Variants in ZNF37A observed in about 807,000 individuals in gnomAD.
ZNF37A encodes zinc finger protein 37a (KOX 21).
In ZNF37A, 10 loss-of-function variants were observed where a neutral mutation model predicts 12.3. The observed-to-expected ratio is 0.82, with a 90% confidence interval of 0.50 to 1.38. ZNF37A has a LOEUF of 1.38. Among genes scored for constraint, ZNF37A ranks in the 40% most tolerant of loss-of-function variants. The pLI, the probability that ZNF37A is intolerant of heterozygous loss-of-function variation, is 0.00. For missense variants in ZNF37A, 580 were observed against 651.2 expected, an observed-to-expected ratio of 0.89 and a Z score of 1.19; for synonymous variants, 207 against 223.0, an observed-to-expected ratio of 0.93 and a Z score of 0.64.
At chr10:38,107,823 C>G (rs920616092) in intron 5 of ZNF37A, among the ~76,000 whole-genome samples, 1 of 152,112 alleles carries the variant, frequency 6.6e-6, no homozygotes, top group Admixed American at 6.6e-5. Flanking sequence ...TATATATGCA[C>G]CCAATACAGG....
Position 38,118,278 on chromosome 10 carries a change from C to G in ZNF37A, c.1127C>G (p.Thr376Arg), listed in dbSNP as rs770710053. 5 of 1,613,738 alleles carry G rather than the reference C, an allele frequency of 3.1e-6. No homozygotes were observed. The South Asian group carries it at 5.5e-5, about 18-fold the overall frequency. The change falls in exon 8 of 8, where the codon ACA (threonine) becomes AGA (arginine). Residue 376 changes from threonine to arginine, a missense_variant. Thr to Arg is a moderately conservative substitution (Grantham distance 71). Transcript: ENST00000685332. ...FKSVLTVHQK[T>R]HTGEKPYECY... Reference sequence around the variant, plus strand: ...TCAGTCCTTACTGTGCATCAGAAAACACACACAGGGGAGAAGCCCTATGAA... The same window carrying G: ...TCAGTCCTTACTGTGCATCAGAAAAGACACACAGGGGAGAAGCCCTATGAA...
At chr10:38,139,269 CCTT>C (rs2070150127) in intron 7 of ZNF37A, 1 of 151,966 alleles carries the variant, frequency 6.6e-6, no homozygotes. Context: ...TCATTATTGT[CCTT>C]ATTATGTGTT....
chr10:38,097,016 G>A (rs1202169508), intron 5 of ZNF37A, among the ~76,000 whole-genome samples: 1 of 152,192 alleles, frequency 6.6e-6, no homozygotes, highest in Non-Finnish European at 1.5e-5. Context: ...TTTACTGTGA[G>A]ACCCTTTACA....
intron 7 of ZNF37A, chr10:38,138,047 T>G (rs1388706353): frequency 1.3e-5 from 2 of 152,346 alleles, no homozygotes; most frequent in Middle Eastern, 3.4e-3. Context: ...AATAAATAAC[T>G]CTTTGTAATC....
intron 5 of ZNF37A, among the ~76,000 whole-genome samples, chr10:38,112,736 T>TCGGTC (rs1564931750): frequency 5.8e-5 from 1 of 17,106 alleles, no homozygotes; most frequent in Non-Finnish European, 1.2e-4. Context: ...ATCCATTTTC[T>TCGGTC]TTTCTTTTCT....
rs2136054997 is a variant in ZNF37A at position 38,121,678 on chromosome 10, G to C, written c.*2841G>C. ...GGAATGAGGAGAGCTAGAAAACCTG[G>C]AGTGTGGCATTAGAATAGAACTCAT... On this transcript the variant is annotated 3_prime_UTR_variant, in exon 8 of 8. Transcript: ENST00000685332. The C allele has an allele frequency of 6.6e-6, 1 of 152,334 alleles. No homozygotes were observed. The highest frequency in any genetic ancestry group is 2.1e-4 in the South Asian group (1 of 4,832). The allele number at this position is 152,334 out of a possible 1,614,324, so 9.4% of individuals were successfully genotyped here.
chr10:38,129,316 A>AAAAAAAAAAAC (rs1432210552), downstream of ZNF37A, among the ~76,000 whole-genome samples: 2 of 142,430 alleles, frequency 1.4e-5, no homozygotes, highest in African/African-American at 2.6e-5. Flanking sequence ...AAAAAAAAAA[A>AAAAAAAAAAAC]AAAAAACTAT....
rs967774449 is a variant in ZNF37A at position 38,122,703 on chromosome 10, A to G, written c.*3866A>G. ...AATTAATTAAAAAGTTAAATCTAAG[A>G]CCTCAAACTATGAAACAGCTAAAAG... On this transcript the variant is annotated 3_prime_UTR_variant, in exon 8 of 8. Transcript: ENST00000685332. 2.6e-5 allele frequency: 4 copies of G among 152,206 alleles called. No individual in the cohort carries two copies. Among genetic ancestry groups the G allele is most frequent in the African/African-American group, 4.8e-5 (2 of 41,458 alleles). 9.4% of individuals were successfully genotyped at this position (152,206 alleles called of 1,614,324 possible). A position where few individuals can be genotyped will look rare whatever the true frequency, so the allele number is the denominator to read the frequency against.
In ZNF37A at chr10:38,114,830, A is replaced by G. The variant is rs762226514; in HGVS notation, c.91A>G (p.Thr31Ala). The change falls in exon 6 of 8, where the codon ACC becomes GCC. Residue 31 changes from threonine to alanine, a missense_variant. Coordinates refer to ENST00000685332, the MANE Select transcript of ZNF37A (RefSeq NM_001324250.3). Reference sequence around the variant, plus strand: ...GCAGCATCTGGACCCTGCTCAGAGGACCCTGTACAGGGATGTGATGCTGGA... The same window carrying G: ...GCAGCATCTGGACCCTGCTCAGAGGGCCCTGTACAGGGATGTGATGCTGGA... ...EWQHLDPAQR[T>A]LYRDVMLENY... 2 of 1,613,934 alleles carry G rather than the reference A, an allele frequency of 1.2e-6. No homozygotes were observed. The highest frequency in any genetic ancestry group is 3.3e-5 in the Admixed American group (2 of 59,964).
intron 5 of ZNF37A, among the ~76,000 whole-genome samples, chr10:38,109,737 T>G (rs1374252959): frequency 1.3e-5 from 2 of 152,072 alleles, no homozygotes; most frequent in East Asian, 3.9e-4. Flanking sequence ...TAATTCCCAT[T>G]CACAATTTCT....
At chr10:38,113,238 A>T (rs1357003145) in intron 5 of ZNF37A, among the ~76,000 whole-genome samples, 1 of 92,758 alleles carries the variant, frequency 1.1e-5, no homozygotes, top group African/African-American at 4.4e-5. Flanking sequence ...TTTGAGATGG[A>T]GTCTCACTCT....
chr10:38,098,453 CA>C (rs1009556792), intron 5 of ZNF37A, among the ~76,000 whole-genome samples: 1 of 151,950 alleles, frequency 6.6e-6, no homozygotes, highest in African/African-American at 2.4e-5. Context: ...TCTATTTCTG[CA>C]AAAAAGTATG....
chr10:38,096,636 A>G lies in ZNF37A; in HGVS notation c.15+4A>G, dbSNP rs768397488. The G allele has an allele frequency of 5.0e-6, 8 of 1,612,678 alleles. No homozygotes were observed. Among genetic ancestry groups the G allele is most frequent in the South Asian group, 2.2e-5 (2 of 90,638 alleles). ...GTGGAAGATGATCACATCCCAGGTA[A>G]GTTGTTTATTTTTTCACCGTTTTGC... On this transcript the variant is annotated splice_donor_region_variant and intron_variant, in intron 5 of 7. Coordinates refer to ENST00000685332, the MANE Select transcript of ZNF37A (RefSeq NM_001324250.3).
rs1037855027 is a variant in ZNF37A at position 38,124,346 on chromosome 10, G to A, written c.*5509G>A. 6 of 152,180 alleles carry A rather than the reference G, an allele frequency of 3.9e-5. No individual in the cohort carries two copies. The highest frequency in any genetic ancestry group is 1.9e-4 in the East Asian group (1 of 5,188). 9.4% of individuals were successfully genotyped at this position (152,180 alleles called of 1,614,324 possible). ...AAAGGCAGTGAGGGCATGGTGAGGG[G>A]GAAGTGGGGAATGTTAACGGGCACA... On this transcript the variant is annotated 3_prime_UTR_variant, in exon 8 of 8. Coordinates refer to ENST00000685332, the MANE Select transcript of ZNF37A (RefSeq NM_001324250.3).
intron 5 of ZNF37A, among the ~76,000 whole-genome samples, chr10:38,098,395 T>G (rs941549497): frequency 6.6e-6 from 1 of 152,224 alleles, no homozygotes; most frequent in Non-Finnish European, 1.5e-5. Flanking sequence ...ACTGACAGTT[T>G]TCCACAGCAG....
intron 7 of ZNF37A, among the ~76,000 whole-genome samples, chr10:38,115,892 T>G (rs1040560639): frequency 6.6e-6 from 1 of 151,762 alleles, no homozygotes; most frequent in Non-Finnish European, 1.5e-5. Context: ...CTATGAAAAC[T>G]TAAAAAATTA....
In ZNF37A at chr10:38,119,555, T is replaced by A; in HGVS notation, c.*718T>A. 3.5e-6 allele frequency: 1 copy of A among 286,108 alleles called. No homozygotes were observed. The highest frequency in any genetic ancestry group is 5.2e-6 in the Non-Finnish European group (1 of 190,602). The allele number at this position is 286,108 out of a possible 1,614,324, so 17.7% of individuals were successfully genotyped here. ...CAGAGGTGTTGAGTTGCAGGATATC[T>A]AGCAATTTAAGAAAATGTGGAAAAA... is the stretch of plus-strand genomic sequence containing the variant. On this transcript the variant is annotated 3_prime_UTR_variant, in exon 8 of 8. Coordinates refer to ENST00000685332, the MANE Select transcript of ZNF37A (RefSeq NM_001324250.3).
chr10:38,101,909 G>C (rs117795163), intron 5 of ZNF37A, among the ~76,000 whole-genome samples: 1 of 146,818 alleles, frequency 6.8e-6, no homozygotes, highest in South Asian at 2.2e-4. Context: ...TGCAACCTCC[G>C]CCTCCAGGGT....
intron 5 of ZNF37A, among the ~76,000 whole-genome samples, chr10:38,108,017 C>T (rs1377768507): frequency 6.6e-6 from 1 of 152,154 alleles, no homozygotes; most frequent in Non-Finnish European, 1.5e-5. Context: ...TAGACATCTA[C>T]AGAACTCTCC....
Sources: allele counts gnomAD v4.1 joint callset (sites outside exome capture counted in the v4.1 genomes callset), GRCh38; gene constraint gnomAD v4.1.1; transcripts MANE v1.5; gene names NCBI Gene and HGNC (gene_info 2026-07-23, HGNC 2026-07-21).